Variants in ANHX observed in about 807,000 individuals in gnomAD.
The protein encoded by ANHX is anomalous homeobox.
In ANHX, 20 loss-of-function variants were observed where a neutral mutation model predicts 38.9. That is an observed-to-expected ratio of 0.51 (90% CI 0.36 to 0.75). The LOEUF is 0.75. ANHX is among the 30% of genes least tolerant of loss of function. ANHX has a pLI of 0.00. For missense variants in ANHX, 475 were observed against 493.1 expected (o/e 0.96, Z 0.35); for synonymous variants, 185 against 203.1 (o/e 0.91, Z 0.76).
intron 2 of ANHX, among the ~76,000 whole-genome samples, chr12:133,233,143 G>A (rs774953169): frequency 3.0e-4 from 45 of 152,210 alleles, no homozygotes; most frequent in Non-Finnish European, 6.0e-4. Context: ...GAGTTGGAAC[G>A]GCAAGGAGAC....
intron 8 of ANHX, among the ~76,000 whole-genome samples, chr12:133,220,681 C>G (rs1957097020): frequency 1.3e-5 from 2 of 152,078 alleles, no homozygotes; most frequent in African/African-American, 4.8e-5. Context: ...GATAGCCTCC[C>G]CACCAGAGGA....
chr12:133,226,533 CT>C (rs1045900625), intron 5 of ANHX, 95 bp from the exon 6 acceptor site: 1 of 1,431,788 alleles, frequency 7.0e-7, no homozygotes, highest in African/African-American at 1.4e-5. Flanking sequence ...CTGGAAAAGG[CT>C]GTTGCCATGG....
chr12:133,234,085 C>T (rs1299634669), intron 2 of ANHX, 23 bp downstream of exon 2: 3 of 1,533,774 alleles, frequency 2.0e-6, no homozygotes, highest in Non-Finnish European at 2.6e-6. Flanking sequence ...TCTCTGTACC[C>T]TACCCCTGTA....
rs1201074473 is a variant in ANHX at position 133,234,291 on chromosome 12, CA to C, written c.65del (p.Val22GlyfsTer73). 6.5e-7 allele frequency: 1 copy of C among 1,536,152 alleles called. No homozygotes were observed. The highest frequency in any genetic ancestry group is 1.4e-5 in the African/African-American group (1 of 73,170). On this transcript the variant is annotated frameshift_variant, in exon 2 of 10. Coordinates refer to ENST00000545940, the MANE Select transcript of ANHX (RefSeq NM_001372060.1). LOFTEE classifies it high-confidence loss of function. The stretch of plus-strand genomic sequence containing the variant: ...CCCGGCACAGTCTGCCCGCAAGGGT[CA>C]CCAGCTCCGCCGGGGGTGCACAGGT... ...EDTCAPPAEL[V>X]TLAGRLCRDF...
chr12:133,221,292 G>C lies in ANHX; in HGVS notation c.1193C>G (p.Thr398Arg). ...CCGTAGCTCTGTCCGTCCACTGCTT[G>C]TGCCCAGACCCTCCTCCAATTGCAC... Reference protein sequence around the residue: ...QSVQLEEGLGTSSGRTELRVG... With the variant: ...QSVQLEEGLGRSSGRTELRVG... The change falls in exon 8 of 10, where the codon ACA becomes AGA. Residue 398 changes from threonine to arginine, a missense_variant. By Grantham distance (71) the Thr-to-Arg change is moderately conservative. Coordinates refer to ENST00000545940, the MANE Select transcript of ANHX (RefSeq NM_001372060.1). This position sits in a 1 kb window ranked among gnomAD's most constrained non-coding sequence, Gnocchi z 4.1. 6.5e-7 allele frequency: 1 copy of C among 1,536,016 alleles called. No individual in the cohort carries two copies. The highest frequency in any genetic ancestry group is 8.7e-7 in the Non-Finnish European group (1 of 1,146,896).
At position 133,218,632 on chromosome 12, in the gene ANHX, A is replaced by G. The variant is rs138037688; in HGVS notation, c.*253T>C. The G allele has an allele frequency of 9.0e-3, 3,033 of 338,798 alleles. 71 individuals carry two copies. The highest frequency in any genetic ancestry group is 0.059 in the African/African-American group (2,777 of 47,292). The allele number at this position is 338,798 out of a possible 1,614,324, so 21.0% of individuals were successfully genotyped here. A position where few individuals can be genotyped will look rare whatever the true frequency, so the allele number is the denominator to read the frequency against. ...AGCCCGACTGATCCAGTGCTGCGTG[A>G]GTGGGACAGACCCACCTTTGACTTC... On this transcript the variant is annotated 3_prime_UTR_variant, in exon 10 of 10. Transcript: ENST00000545940.
At position 133,221,125 on chromosome 12, in the gene ANHX, G is replaced by A. The variant is rs1957103049; in HGVS notation, c.1280+80C>T. On this transcript the variant is annotated intron_variant, in intron 8 of 9. Transcript: ENST00000545940. The surrounding 1 kb of genome is among the most constrained non-coding windows in gnomAD (Gnocchi z 4.1). ...GACCCTATCTGCACAGTCCGGGACG[G>A]TGAGTCTATAAACTGGGCATTACCC... The A allele has an allele frequency of 6.7e-7, 1 of 1,487,502 alleles. No individual in the cohort carries two copies. The highest frequency in any genetic ancestry group is 9.0e-7 in the Non-Finnish European group (1 of 1,115,384). The allele number at this position is 1,487,502 out of a possible 1,614,324, so 92.1% of individuals were successfully genotyped here. A position where few individuals can be genotyped will look rare whatever the true frequency, so the allele number is the denominator to read the frequency against.
intron 7 of ANHX, among the ~76,000 whole-genome samples, chr12:133,224,902 G>A (rs1957167466): frequency 6.6e-6 from 1 of 151,012 alleles, no homozygotes; most frequent in African/African-American, 2.4e-5. Flanking sequence ...GGGAGGAGGA[G>A]GTTGCAGTGA....
chr12:133,231,488 A>C lies in ANHX; in HGVS notation c.377+29T>G, dbSNP rs757757113. ...TCTAATCCCTTGGGATCCCCATGAAATATGCACAAGTAAATGCTTGTAGGT... is the reference window on the plus strand; with the variant it reads ...TCTAATCCCTTGGGATCCCCATGAACTATGCACAAGTAAATGCTTGTAGGT... On this transcript the variant is annotated intron_variant, in intron 3 of 9. Coordinates refer to ENST00000545940, the MANE Select transcript of ANHX (RefSeq NM_001372060.1). 2.1e-4 allele frequency: 316 copies of C among 1,535,772 alleles called. 1 individual carries two copies. Among genetic ancestry groups the C allele is most frequent in the Non-Finnish European group, 2.5e-4 (283 of 1,146,776 alleles).
At chr12:133,228,133 A>C (rs1957215653) in intron 3 of ANHX, among the ~76,000 whole-genome samples, 186 bp from the exon 4 acceptor site, 1 of 152,042 alleles carries the variant, frequency 6.6e-6, no homozygotes, top group African/African-American at 2.4e-5. Context: ...ACCCTGACAA[A>C]TACTGTTCCA....
chr12:133,230,561 G>A (rs1292093060), intron 3 of ANHX, among the ~76,000 whole-genome samples: 1 of 152,120 alleles, frequency 6.6e-6, no homozygotes, highest in Non-Finnish European at 1.5e-5. Context: ...GAAGAATAAG[G>A]CTCCCCGGAG....
In ANHX at chr12:133,221,099, G is replaced by T; in HGVS notation, c.1280+106C>A. The T allele has an allele frequency of 7.3e-7, 1 of 1,367,292 alleles. No homozygotes were observed. The highest frequency in any genetic ancestry group is 9.7e-7 in the Non-Finnish European group (1 of 1,032,864). 84.7% of individuals were successfully genotyped at this position (1,367,292 alleles called of 1,614,324 possible). On this transcript the variant is annotated intron_variant, in intron 8 of 9. Transcript: ENST00000545940. This position sits in a 1 kb window ranked among gnomAD's most constrained non-coding sequence, Gnocchi z 4.1. The stretch of plus-strand genomic sequence containing the variant: ...ACAGTTTTCAGCAATCCAAAGGAGA[G>T]GACCCTATCTGCACAGTCCGGGACG...
At chr12:133,229,799 T>C (rs1957242799) in intron 3 of ANHX, among the ~76,000 whole-genome samples, 1 of 152,210 alleles carries the variant, frequency 6.6e-6, no homozygotes, top group African/African-American at 2.4e-5. Context: ...CTGCTGCTCA[T>C]CAGCCTCTAA....
In ANHX at chr12:133,225,767, G is replaced by A. The variant is rs891936648; in HGVS notation, c.901C>T (p.Leu301Phe). Residue 301 changes from leucine to phenylalanine, a missense_variant, in exon 7 of 10, where the codon CTC (leucine) becomes TTC (phenylalanine). Coordinates refer to ENST00000545940, the MANE Select transcript of ANHX (RefSeq NM_001372060.1). ...GPGHDPATLP[L>F]FCPGPGLCPL... ...CAGAGGCCAGGGCCAGGGCAGAAGAGGGGGAGGGTGGCAGGATCATGGCCA... is the reference window on the plus strand; with the variant it reads ...CAGAGGCCAGGGCCAGGGCAGAAGAAGGGGAGGGTGGCAGGATCATGGCCA... Among the ~76,000 whole-genome samples the A allele has an allele frequency of 6.6e-6, 1 of 152,176 alleles. No individual in the cohort carries two copies. Among genetic ancestry groups the A allele is most frequent in the South Asian group, 2.1e-4 (1 of 4,838 alleles).
At chr12:133,223,394 C>T (rs569292259) in intron 7 of ANHX, among the ~76,000 whole-genome samples, 5 of 150,258 alleles carry the variant, frequency 3.3e-5, no homozygotes, top group East Asian at 3.9e-4. Flanking sequence ...ATCAAAGATA[C>T]GATCAAAGGA....
Position 133,221,466 on chromosome 12 carries a change from C to T in ANHX, c.1133-114G>A, listed in dbSNP as rs933835177. On this transcript the variant is annotated intron_variant, in intron 7 of 9. Transcript: ENST00000545940. This position sits in a 1 kb window ranked among gnomAD's most constrained non-coding sequence, Gnocchi z 4.1. ...GGATGCAGCCTCCGGCCCAGCCAGC[C>T]CGCGCCACGTGAACCAGACTCACGG... 2 of 1,235,608 alleles carry T rather than the reference C, an allele frequency of 1.6e-6. No individual in the cohort carries two copies. The highest frequency in any genetic ancestry group is 3.0e-5 in the African/African-American group (2 of 65,790). 76.5% of individuals were successfully genotyped at this position (1,235,608 alleles called of 1,614,324 possible).
intron 1 of ANHX, 121 bp downstream of exon 1, chr12:133,235,686 C>A (rs1319508082): frequency 7.1e-6 from 1 of 140,326 alleles, no homozygotes; most frequent in Non-Finnish European, 1.6e-5. Flanking sequence ...TCCAGGACCC[C>A]CCCCGCCTGC....
At position 133,221,173 on chromosome 12, in the gene ANHX, A is replaced by C. The variant is rs369376513; in HGVS notation, c.1280+32T>G. 158 of 1,533,956 alleles carry C rather than the reference A, an allele frequency of 1.0e-4. 1 individual carries two copies. The East Asian group carries it at 3.3e-3, about 32-fold the overall frequency. On this transcript the variant is annotated intron_variant, in intron 8 of 9. Transcript: ENST00000545940. This position sits in a 1 kb window ranked among gnomAD's most constrained non-coding sequence, Gnocchi z 4.1. ...CCCTATCTTGTGGCCTGTGGAAAGG[A>C]CTGTCCAGGCCTGTGGCTCTTCAGG...
chr12:133,222,034 C>G (rs1349305577), intron 7 of ANHX, among the ~76,000 whole-genome samples: 1 of 152,132 alleles, frequency 6.6e-6, no homozygotes, highest in Non-Finnish European at 1.5e-5. Context: ...TCATGTGGTC[C>G]TCCTTCCTGT....
Sources: gnomAD v4.1 joint callset for allele counts (sites outside exome capture counted in the v4.1 genomes callset) on GRCh38, gnomAD v4.1.1 for gene constraint, Gnocchi (gnomAD v3.1) non-coding constraint, MANE v1.5 for transcripts, NCBI Gene and HGNC (gene_info 2026-07-23, HGNC 2026-07-21) for gene names.